LRRC4C: variants seen among roughly 807,000 people sequenced by gnomAD.
The protein encoded by LRRC4C is leucine rich repeat containing 4C, also known as leucine-rich repeat-containing protein 4C.
Under a neutral mutation model 33.6 loss-of-function variants are expected in LRRC4C, and 5 were observed. That is an observed-to-expected ratio of 0.15 (90% CI 0.08 to 0.31). The LOEUF is 0.31. Ranked by LOEUF, LRRC4C falls within the 10% of genes least tolerant of loss-of-function variation. The pLI is 1.00. For missense variants in LRRC4C, 560 were observed against 796.7 expected, an observed-to-expected ratio of 0.70 and a Z score of 3.58; for synonymous variants, 329 against 302.0, an observed-to-expected ratio of 1.09 and a Z score of -0.93.
chr11:41,263,812 A>C (rs1949060065), intron 1 of LRRC4C, among the ~76,000 whole-genome samples: 1 of 152,100 alleles, frequency 6.6e-6, no homozygotes, highest in African/African-American at 2.4e-5. Context: ...CAATGCATAA[A>C]AAAACAAGTA....
At chr11:40,460,467 T>C (rs941468043) in intron 3 of LRRC4C, among the ~76,000 whole-genome samples, 5 of 152,114 alleles carry the variant, frequency 3.3e-5, no homozygotes, top group Admixed American at 3.3e-4. Context: ...GGAGTGTACA[T>C]ACAAAATATA....
At chr11:40,333,741 A>T (rs1377438170) in intron 3 of LRRC4C, among the ~76,000 whole-genome samples, 1 of 143,094 alleles carries the variant, frequency 7.0e-6, no homozygotes, top group South Asian at 2.2e-4. Context: ...AAAAAAAAAA[A>T]GAATTCATAA....
chr11:40,861,586 A>G (rs1045481050), intron 2 of LRRC4C, among the ~76,000 whole-genome samples: 3 of 152,212 alleles, frequency 2.0e-5, no homozygotes, highest in Admixed American at 2.0e-4. Flanking sequence ...GTGACATTGT[A>G]AGTATGAAAA....
At chr11:40,816,609 T>C (rs1201512834) in intron 2 of LRRC4C, among the ~76,000 whole-genome samples, 1 of 152,164 alleles carries the variant, frequency 6.6e-6, no homozygotes, top group African/African-American at 2.4e-5. Flanking sequence ...ATAGAGAGTA[T>C]GATCATCATT....
At chr11:41,297,554 G>T (rs989607107) in intron 1 of LRRC4C, among the ~76,000 whole-genome samples, 6 of 152,066 alleles carry the variant, frequency 3.9e-5, no homozygotes, top group African/African-American at 1.4e-4. Flanking sequence ...AGATTTTTTG[G>T]CAAAAACAAA....
intron 3 of LRRC4C, among the ~76,000 whole-genome samples, chr11:40,630,189 T>C (rs972940634): frequency 4.6e-5 from 7 of 151,998 alleles, no homozygotes; most frequent in African/African-American, 1.7e-4. Flanking sequence ...TTGAGAAAAA[T>C]CTCAAGAACA....
chr11:41,117,486 T>C lies in LRRC4C; in HGVS notation c.-495-183763A>G, dbSNP rs147491820. On this transcript the variant is annotated intron_variant, in intron 1 of 6. Coordinates refer to ENST00000528697, the MANE Select transcript of LRRC4C (RefSeq NM_001258419.2). ...ATTCTGTAAACTATGATAGCAACTATGCAATTTTATTTATGTATGTATGTA... is the reference window on the plus strand; with the variant it reads ...ATTCTGTAAACTATGATAGCAACTACGCAATTTTATTTATGTATGTATGTA... 4.1e-4 allele frequency among the ~76,000 whole-genome samples: 62 copies of C among 152,294 alleles called. No homozygotes were observed. The East Asian group carries it at 9.9e-3, about 24-fold the overall frequency.
At chr11:40,326,651 C>A (rs1321327616) in intron 3 of LRRC4C, among the ~76,000 whole-genome samples, 2 of 151,350 alleles carry the variant, frequency 1.3e-5, no homozygotes, top group Non-Finnish European at 2.9e-5. Context: ...CAAGGACGAA[C>A]AAAAAAACAT....
At chr11:41,251,929 G>A (rs1948651949) in intron 1 of LRRC4C, among the ~76,000 whole-genome samples, 1 of 151,854 alleles carries the variant, frequency 6.6e-6, no homozygotes, top group Non-Finnish European at 1.5e-5. Flanking sequence ...TAATTAAAAA[G>A]AAAAATGGAA....
At chr11:41,158,382 C>T (rs1472827533) in intron 1 of LRRC4C, among the ~76,000 whole-genome samples, 5 of 151,918 alleles carry the variant, frequency 3.3e-5, no homozygotes, top group African/African-American at 1.2e-4. Flanking sequence ...AAAGAGAAAA[C>T]CACAATTTAG....
chr11:41,143,295 TTTTCCAGAACTAAGAAAGAATTTCAA>T (rs66613800), intron 1 of LRRC4C, among the ~76,000 whole-genome samples: 31,223 of 151,850 alleles, frequency 0.21, 3,626 homozygotes, highest in Admixed American at 0.38. Flanking sequence ...AAAAAATAAA[TTTTCCAGAACTAAGAAAGAATTTCAA>T]TTAAAGGATC....
chr11:41,129,952 T>C (rs777871854), intron 1 of LRRC4C, among the ~76,000 whole-genome samples: 109 of 152,100 alleles, frequency 7.2e-4, no homozygotes, highest in Non-Finnish European at 1.4e-3. Flanking sequence ...TGGCTTCATG[T>C]AGCACCTCTC....
At chr11:40,269,704 G>A (rs1565210215) in intron 4 of LRRC4C, among the ~76,000 whole-genome samples, 1 of 151,354 alleles carries the variant, frequency 6.6e-6, no homozygotes, top group Non-Finnish European at 1.5e-5. Flanking sequence ...CAAATAACGG[G>A]GTAGCAATAT....
intron 2 of LRRC4C, among the ~76,000 whole-genome samples, chr11:40,889,065 C>G (rs547647491): frequency 5.1e-4 from 77 of 152,066 alleles, no homozygotes; most frequent in African/African-American, 1.8e-3. Context: ...CCATATAACC[C>G]AGCTATTCCA....
At chr11:41,326,733 C>T (rs147591124) in intron 1 of LRRC4C, among the ~76,000 whole-genome samples, 366 of 152,246 alleles carry the variant, frequency 2.4e-3, no homozygotes, top group Non-Finnish European at 4.1e-3. Context: ...TGCACACACA[C>T]AAAAGCAGAA....
chr11:40,249,404 C>T lies in LRRC4C; in HGVS notation c.-175-7806G>A, dbSNP rs559402028. 1.2e-4 allele frequency among the ~76,000 whole-genome samples: 18 copies of T among 152,022 alleles called. No individual in the cohort carries two copies. In the South Asian group the frequency reaches 3.7e-3, roughly 32 times the overall value. On this transcript the variant is annotated intron_variant, in intron 4 of 6. Coordinates refer to ENST00000528697, the MANE Select transcript of LRRC4C (RefSeq NM_001258419.2). Reference sequence around the variant, plus strand: ...AATTAGTCTCATTTCCCAATAATAACATACAGAATTATAAAATTCACTGAA... The same window carrying T: ...AATTAGTCTCATTTCCCAATAATAATATACAGAATTATAAAATTCACTGAA...
chr11:40,538,172 A>T (rs1234652591), intron 3 of LRRC4C, among the ~76,000 whole-genome samples: 2 of 152,108 alleles, frequency 1.3e-5, no homozygotes, highest in Non-Finnish European at 2.9e-5. Context: ...AACATTCTCC[A>T]GGTGATTCTA....
chr11:40,304,735 CTT>C (rs773650734), intron 4 of LRRC4C, among the ~76,000 whole-genome samples: 15 of 142,786 alleles, frequency 1.1e-4, no homozygotes, highest in Admixed American at 1.4e-4. Flanking sequence ...GACTTTCAAC[CTT>C]TTTTTTTTTT....
intron 5 of LRRC4C, among the ~76,000 whole-genome samples, chr11:40,204,357 A>G (rs1862988674): frequency 6.6e-6 from 1 of 152,132 alleles, no homozygotes; most frequent in Non-Finnish European, 1.5e-5. Flanking sequence ...AGCCTTAAGC[A>G]GGCTTCTTCC....
Sources: gnomAD v4.1 joint callset for allele counts (sites outside exome capture counted in the v4.1 genomes callset) on GRCh38, gnomAD v4.1.1 for gene constraint, MANE v1.5 for transcripts, NCBI Gene and HGNC (gene_info 2026-07-23, HGNC 2026-07-21) for gene names.